STXBP5L: variants seen among roughly 807,000 people sequenced by gnomAD.
The protein encoded by STXBP5L is syntaxin-binding protein 5-like.
A neutral mutation model predicts 144.5 loss-of-function variants in STXBP5L; 65 were observed. The observed-to-expected ratio is 0.45, with a 90% confidence interval of 0.37 to 0.55. The LOEUF (loss-of-function observed/expected upper bound fraction) is 0.55, where lower values mean the gene tolerates loss of function less well. Among genes scored for constraint, STXBP5L ranks in the 20% least tolerant of loss-of-function variants. STXBP5L has a pLI of 0.00. For missense variants in STXBP5L, 1,298 were observed against 1,405.5 expected (o/e 0.92, Z 1.22); for synonymous variants, 505 against 469.6 (o/e 1.08, Z -0.97).
intron 2 of STXBP5L, among the ~76,000 whole-genome samples, chr3:120,913,580 C>A (rs765959480): frequency 5.9e-5 from 9 of 151,998 alleles, no homozygotes; most frequent in Non-Finnish European, 1.3e-4. Context: ...ATTTACAAAT[C>A]ATTTGATAAA....
At chr3:121,201,958 G>T (rs902067479) in intron 9 of STXBP5L, among the ~76,000 whole-genome samples, 3 of 152,158 alleles carry the variant, frequency 2.0e-5, no homozygotes, top group Non-Finnish European at 4.4e-5. Flanking sequence ...GTTTCACCAT[G>T]TTGGCCAGGC....
chr3:120,970,744 T>G (rs938574546), intron 3 of STXBP5L, among the ~76,000 whole-genome samples: 3 of 152,140 alleles, frequency 2.0e-5, no homozygotes, highest in Non-Finnish European at 4.4e-5. Context: ...ATTATTATTT[T>G]TTTTACATGT....
At chr3:121,107,145 C>T (rs2043752125) in intron 5 of STXBP5L, among the ~76,000 whole-genome samples, 1 of 151,194 alleles carries the variant, frequency 6.6e-6, no homozygotes, top group Admixed American at 6.6e-5. Flanking sequence ...GGATGTTAGA[C>T]CTTTGTCAGA....
chr3:121,359,368 AG>A (rs549851232), intron 20 of STXBP5L, among the ~76,000 whole-genome samples: 9 of 152,014 alleles, frequency 5.9e-5, no homozygotes, highest in Non-Finnish European at 1.2e-4. Context: ...TCCTTATCAG[AG>A]GGGTAGTTTG....
At chr3:121,279,735 G>T (rs2050992631) in intron 18 of STXBP5L, 70 bp from the exon 19 acceptor site, 3 of 1,560,540 alleles carry the variant, frequency 1.9e-6, no homozygotes, top group Non-Finnish European at 2.6e-6. Context: ...ATAATCCTAT[G>T]ATTGATTTGA....
intron 9 of STXBP5L, among the ~76,000 whole-genome samples, chr3:121,172,299 C>A (rs967457355): frequency 1.3e-5 from 2 of 152,098 alleles, no homozygotes; most frequent in African/African-American, 2.4e-5. Flanking sequence ...ACTAAGACAC[C>A]AAAAGCAATG....
intron 19 of STXBP5L, among the ~76,000 whole-genome samples, chr3:121,302,515 T>C (rs146427926): frequency 0.019 from 2,851 of 152,302 alleles, 36 homozygotes; most frequent in Middle Eastern, 0.041. Flanking sequence ...CACTGATTTT[T>C]TGAAGGGTTT....
Position 121,038,541 on chromosome 3 carries a change from C to A in STXBP5L, c.288-3159C>A, listed in dbSNP as rs577601173. On this transcript the variant is annotated intron_variant, in intron 3 of 26. Coordinates refer to ENST00000471454, the MANE Select transcript of STXBP5L (RefSeq NM_001308330.2). ...ATATTTTATCTCTTAGTAATTGTTT[C>A]TTTTATATTTCAAAAGTATATTTAT... is the stretch of plus-strand genomic sequence containing the variant. Among the ~76,000 whole-genome samples the A allele has an allele frequency of 2.0e-5, 3 of 151,702 alleles. No individual in the cohort carries two copies. In the South Asian group the frequency reaches 6.3e-4, roughly 32 times the overall value.
At chr3:121,342,417 T>C (rs1342636524) in intron 20 of STXBP5L, among the ~76,000 whole-genome samples, 1 of 151,900 alleles carries the variant, frequency 6.6e-6, no homozygotes, top group Non-Finnish European at 1.5e-5. Flanking sequence ...TACATATGTA[T>C]ACATGTGCCA....
chr3:120,994,906 G>T (rs940805815), intron 3 of STXBP5L, among the ~76,000 whole-genome samples: 5 of 151,996 alleles, frequency 3.3e-5, no homozygotes, highest in African/African-American at 1.2e-4. Context: ...TGGGTCCTGG[G>T]CTTTTCTTTG....
rs1477878969 is a variant in STXBP5L at position 121,050,967 on chromosome 3, A to G, written c.470+5432A>G. Among the ~76,000 whole-genome samples, 22 of 152,336 alleles carry G rather than the reference A, an allele frequency of 1.4e-4. No homozygotes were observed. In the East Asian group the frequency reaches 4.2e-3, roughly 29 times the overall value. ...CTGATAAAACAGACTTTAAACCAACAAAGATCAAAAGAGAAAAAGAAGGCC... is the reference window on the plus strand; with the variant it reads ...CTGATAAAACAGACTTTAAACCAACGAAGATCAAAAGAGAAAAAGAAGGCC... On this transcript the variant is annotated intron_variant, in intron 5 of 26. Transcript: ENST00000471454.
intron 24 of STXBP5L, among the ~76,000 whole-genome samples, chr3:121,415,124 C>T (rs2047202572): frequency 6.6e-6 from 1 of 152,150 alleles, no homozygotes; most frequent in South Asian, 2.1e-4. Flanking sequence ...TATTAGGTCA[C>T]AGATCTCCTG....
At chr3:121,272,540 T>C (rs1050630336) in intron 18 of STXBP5L, among the ~76,000 whole-genome samples, 4 of 152,204 alleles carry the variant, frequency 2.6e-5, no homozygotes, top group Admixed American at 1.3e-4. Context: ...GTAGGCAGCA[T>C]ATAGTTGGAT....
intron 3 of STXBP5L, among the ~76,000 whole-genome samples, chr3:121,000,092 G>C (rs1943651734): frequency 6.6e-6 from 1 of 152,010 alleles, no homozygotes; most frequent in South Asian, 2.1e-4. Flanking sequence ...TGTTTTGGGG[G>C]TGGTCATCTT....
chr3:121,063,841 C>G (rs971196051), intron 5 of STXBP5L, among the ~76,000 whole-genome samples: 4 of 152,218 alleles, frequency 2.6e-5, no homozygotes, highest in African/African-American at 7.2e-5. Context: ...GCCCCTCCCC[C>G]CACCAAGATA....
intron 2 of STXBP5L, among the ~76,000 whole-genome samples, chr3:120,932,941 G>T (rs575376088): frequency 1.3e-5 from 2 of 150,228 alleles, no homozygotes; most frequent in African/African-American, 2.4e-5. Flanking sequence ...GTAAACTATC[G>T]CAAGGACAAA....
chr3:121,087,865 T>C (rs2042573910), intron 5 of STXBP5L, among the ~76,000 whole-genome samples: 1 of 152,132 alleles, frequency 6.6e-6, no homozygotes, highest in Non-Finnish European at 1.5e-5. Context: ...ATAGGTATTT[T>C]ATTATATACA....
intron 12 of STXBP5L, 57 bp downstream of exon 12, chr3:121,233,745 G>A (rs2049381340): frequency 1.6e-6 from 2 of 1,281,668 alleles, no homozygotes; most frequent in African/African-American, 1.5e-5. Context: ...TAGATTATTG[G>A]CATTTGTATT....
chr3:121,043,072 C>T (rs1165400198), intron 4 of STXBP5L, among the ~76,000 whole-genome samples: 1 of 151,662 alleles, frequency 6.6e-6, no homozygotes, highest in Non-Finnish European at 1.5e-5. Context: ...CCTAAGTTTG[C>T]CCCTGTGGTA....
Sources: gnomAD v4.1 joint callset for allele counts (sites outside exome capture counted in the v4.1 genomes callset) on GRCh38, gnomAD v4.1.1 for gene constraint, MANE v1.5 for transcripts, NCBI Gene and HGNC (gene_info 2026-07-23, HGNC 2026-07-21) for gene names.